STK3: variants seen among roughly 807,000 people sequenced by gnomAD.
STK3 encodes the protein serine/threonine-protein kinase 3.
STK3 carries 41 observed loss-of-function variants against 58.0 expected under a neutral mutation model. That is an observed-to-expected ratio of 0.71 (90% CI 0.55 to 0.92). The LOEUF (loss-of-function observed/expected upper bound fraction) is 0.92, where lower values mean the gene tolerates loss of function less well. Ranked by LOEUF, STK3 falls within the 40% of genes least tolerant of loss-of-function variation. STK3 has a pLI of 0.00. For missense variants in STK3, 479 were observed against 602.7 expected (o/e 0.79, Z 2.15); for synonymous variants, 170 against 191.0 (o/e 0.89, Z 0.91).
intron 1 of STK3, among the ~76,000 whole-genome samples, chr8:98,785,729 T>C (rs1485066572): frequency 6.6e-6 from 1 of 151,778 alleles, no homozygotes; most frequent in African/African-American, 2.4e-5. Flanking sequence ...CAGCCCAATA[T>C]AAAACCTGCC....
At chr8:98,512,893 CAT>C (rs1824628090) in intron 10 of STK3, among the ~76,000 whole-genome samples, 2 of 152,144 alleles carry the variant, frequency 1.3e-5, no homozygotes, top group African/African-American at 2.4e-5. Flanking sequence ...ATTAAGTGTT[CAT>C]ATGTCTATAC....
At chr8:98,698,392 T>C (rs1413682831) in intron 6 of STK3, among the ~76,000 whole-genome samples, 4 of 152,260 alleles carry the variant, frequency 2.6e-5, no homozygotes, top group South Asian at 2.1e-4. Flanking sequence ...ATGTGTGAAT[T>C]TGATCCTGTC....
intron 1 of STK3, among the ~76,000 whole-genome samples, chr8:98,387,282 A>C (rs1352880483): frequency 6.6e-6 from 1 of 152,240 alleles, no homozygotes; most frequent in Non-Finnish European, 1.5e-5. Context: ...CAAAGCACAT[A>C]AGTTATTCAC....
intron 1 of STK3, among the ~76,000 whole-genome samples, chr8:98,901,689 C>G (rs1353914681): frequency 6.6e-6 from 1 of 152,224 alleles, no homozygotes; most frequent in East Asian, 1.9e-4. Flanking sequence ...CACACTGGCT[C>G]CCTTGGGATG....
At chr8:98,566,037 G>GC (rs1812454634) in intron 8 of STK3, among the ~76,000 whole-genome samples, 2 of 152,194 alleles carry the variant, frequency 1.3e-5, no homozygotes, top group African/African-American at 4.8e-5. Flanking sequence ...TTTGCAATTT[G>GC]TTTAATTTTA....
At chr8:98,500,889 T>C (rs561063809) in intron 10 of STK3, among the ~76,000 whole-genome samples, 2 of 152,212 alleles carry the variant, frequency 1.3e-5, no homozygotes, top group Non-Finnish European at 2.9e-5. Flanking sequence ...TGTGTCTTTA[T>C]AGTAGCATGA....
intron 6 of STK3, among the ~76,000 whole-genome samples, chr8:98,674,250 T>G (rs1028334569): frequency 2.0e-5 from 3 of 152,292 alleles, no homozygotes; most frequent in Admixed American, 2.0e-4. Context: ...AAAGAATTAT[T>G]TTGTAAATTT....
chr8:98,722,497 C>G (rs1827505064), intron 4 of STK3, among the ~76,000 whole-genome samples: 1 of 152,078 alleles, frequency 6.6e-6, no homozygotes, highest in Non-Finnish European at 1.5e-5. Flanking sequence ...AGGTTCTGAT[C>G]TAGATGTTTA....
At chr8:98,372,334 G>T (rs1293129545) in intron 2 of STK3, among the ~76,000 whole-genome samples, 1 of 152,178 alleles carries the variant, frequency 6.6e-6, no homozygotes, top group African/African-American at 2.4e-5. Flanking sequence ...GCTCTTCAGG[G>T]CAGCCTCCAA....
At chr8:98,536,830 C>T (rs1043393871) in intron 9 of STK3, among the ~76,000 whole-genome samples, 1 of 152,300 alleles carries the variant, frequency 6.6e-6, no homozygotes, top group Middle Eastern at 3.4e-3. Context: ...TAGGGAGAAG[C>T]AGAAGGAGCA....
At chr8:98,447,299 G>T (rs1038055826) in intron 1 of STK3, among the ~76,000 whole-genome samples, 5 of 152,040 alleles carry the variant, frequency 3.3e-5, no homozygotes, top group Non-Finnish European at 7.4e-5. Flanking sequence ...CTCACTCATG[G>T]CCATGCAGTA....
chr8:98,637,178 T>C (rs1006872651), intron 6 of STK3, among the ~76,000 whole-genome samples: 8 of 151,524 alleles, frequency 5.3e-5, no homozygotes, highest in African/African-American at 1.9e-4. Flanking sequence ...CAAAGAGACA[T>C]GAAAGGTAAA....
At chr8:98,834,008 T>G (rs951209952) in intron 3 of STK3, among the ~76,000 whole-genome samples, 2 of 151,998 alleles carry the variant, frequency 1.3e-5, no homozygotes, top group Non-Finnish European at 2.9e-5. Flanking sequence ...GGGATGTGAA[T>G]CTTTAAAAAT....
At chr8:98,505,704 C>G (rs1461240297) in intron 10 of STK3, among the ~76,000 whole-genome samples, 1 of 152,218 alleles carries the variant, frequency 6.6e-6, no homozygotes, top group Non-Finnish European at 1.5e-5. Flanking sequence ...ACTCTGTTTG[C>G]CTGGGTATCA....
At chr8:98,601,965 T>C (rs1381432260) in intron 6 of STK3, among the ~76,000 whole-genome samples, 2 of 152,216 alleles carry the variant, frequency 1.3e-5, no homozygotes, top group Admixed American at 6.5e-5. Context: ...CTGATTTAAC[T>C]GATCTGGGGT....
chr8:98,779,932 CAATG>C (rs1358493121), intron 1 of STK3, among the ~76,000 whole-genome samples: 10 of 146,364 alleles, frequency 6.8e-5, no homozygotes, highest in African/African-American at 2.3e-4. Context: ...ATATATAAGT[CAATG>C]AATGAATAAG....
chr8:98,667,043 A>G (rs756916101), intron 6 of STK3, among the ~76,000 whole-genome samples: 4 of 152,134 alleles, frequency 2.6e-5, no homozygotes, highest in Non-Finnish European at 5.9e-5. Context: ...TTCCAAAACA[A>G]CTGAGTCCAG....
intron 1 of STK3, among the ~76,000 whole-genome samples, chr8:98,788,480 T>C (rs549697151): frequency 2.0e-5 from 3 of 151,014 alleles, no homozygotes; most frequent in Non-Finnish European, 4.4e-5. Context: ...AAAATACATA[T>C]ATAATTGCAG....
chr8:98,706,294 G>C (rs1307908990), intron 6 of STK3, among the ~76,000 whole-genome samples, 173 bp downstream of exon 6: 3 of 152,128 alleles, frequency 2.0e-5, no homozygotes, highest in Admixed American at 2.0e-4. Flanking sequence ...TCACAATTAA[G>C]AATGCAGAAG....
Sources: allele counts gnomAD v4.1 joint callset (sites outside exome capture counted in the v4.1 genomes callset), GRCh38; gene constraint gnomAD v4.1.1; transcripts MANE v1.5; gene names NCBI Gene and HGNC (gene_info 2026-07-23, HGNC 2026-07-21).